The following GOLGB1 variants were observed in gnomAD, a reference collection of about 807,000 sequenced individuals.
GOLGB1 encodes golgin B1, also known as golgin subfamily B member 1.
In GOLGB1, 174 loss-of-function variants were observed where a neutral mutation model predicts 336.9. The ratio of observed to expected loss-of-function variants is 0.52; its 90% CI spans 0.46 to 0.59. The LOEUF (loss-of-function observed/expected upper bound fraction) is 0.59, where lower values mean the gene tolerates loss of function less well. Among genes scored for constraint, GOLGB1 ranks in the 20% least tolerant of loss-of-function variants. The pLI is 0.00. For synonymous variants in GOLGB1, 1,208 were observed against 1,289.2 expected, an observed-to-expected ratio of 0.94 and a Z score of 1.35; for missense variants, 3,331 against 3,645.3, an observed-to-expected ratio of 0.91 and a Z score of 2.22.
Position 121,691,949 on chromosome 3 carries a change from G to A in GOLGB1, c.7415C>T (p.Ser2472Phe), listed in dbSNP as rs761256509. 1.4e-5 allele frequency: 22 copies of A among 1,614,134 alleles called. No homozygotes were observed. The highest frequency in any genetic ancestry group is 1.6e-5 in the Non-Finnish European group (19 of 1,179,976). The change falls in exon 14 of 22, where the codon TCT (serine) becomes TTT (phenylalanine). Residue 2472 changes from serine (S) to phenylalanine (F), a missense_variant. Coordinates refer to ENST00000614479, the MANE Select transcript of GOLGB1 (RefSeq NM_001366282.2). Reference protein sequence around the residue: ...AQLDSFVKSMSSLQNDRDRIV... With the variant: ...AQLDSFVKSMFSLQNDRDRIV... ...GCGGTCTCGATCATTTTGGAGAGAA[G>A]ACATGGATTTAACAAAGGAATCCAA...
chr3:121,722,146 C>T (rs939546169), intron 6 of GOLGB1, 116 bp downstream of exon 6: 1 of 658,012 alleles, frequency 1.5e-6, no homozygotes, highest in Admixed American at 2.4e-5. Flanking sequence ...AGTGCAACAC[C>T]CATGCTACTA....
chr3:121,728,302 G>A (rs142782594), intron 4 of GOLGB1, among the ~76,000 whole-genome samples: 13 of 152,266 alleles, frequency 8.5e-5, no homozygotes, highest in African/African-American at 3.1e-4. Flanking sequence ...ACTAACTAGC[G>A]ATCCCAAAGG....
chr3:121,722,175 T>C, intron 6 of GOLGB1, 87 bp downstream of exon 6: 1 of 753,242 alleles, frequency 1.3e-6, no homozygotes, highest in Non-Finnish European at 2.4e-6. Context: ...TCTACTAGGA[T>C]TTTTTAAAGT....
intron 4 of GOLGB1, among the ~76,000 whole-genome samples, chr3:121,727,295 T>C (rs113512099): frequency 0.1 from 2,485 of 24,188 alleles, 12 homozygotes; most frequent in East Asian, 0.18. Flanking sequence ...CACACACACA[T>C]ATATATATAT....
chr3:121,727,320 A>ATATATATATATATT (rs1365310516), intron 4 of GOLGB1, among the ~76,000 whole-genome samples: 1 of 28,634 alleles, frequency 3.5e-5, no homozygotes, highest in Admixed American at 7.2e-4. Flanking sequence ...ATATATATAT[A>ATATATATATATATT]TTTTTTTTTT....
chr3:121,727,321 T>TATATATATATA (rs1491103201), intron 4 of GOLGB1, among the ~76,000 whole-genome samples: 7 of 29,010 alleles, frequency 2.4e-4, no homozygotes, highest in African/African-American at 4.2e-4. Context: ...TATATATATA[T>TATATATATATA]TTTTTTTTTT....
At chr3:121,687,626 C>T (rs182196195) in intron 14 of GOLGB1, among the ~76,000 whole-genome samples, 5 of 152,074 alleles carry the variant, frequency 3.3e-5, no homozygotes, top group Admixed American at 2.6e-4. Flanking sequence ...TACAGAAACA[C>T]GAAAATAAAA....
chr3:121,714,032 G>A (rs952567186), intron 10 of GOLGB1, among the ~76,000 whole-genome samples: 1 of 152,166 alleles, frequency 6.6e-6, no homozygotes, highest in African/African-American at 2.4e-5. Context: ...CAACTTATTC[G>A]AATGGTTGGA....
chr3:121,703,222 A>G (rs1943550650), intron 10 of GOLGB1, among the ~76,000 whole-genome samples: 2 of 152,162 alleles, frequency 1.3e-5, no homozygotes, highest in Admixed American at 1.3e-4. Context: ...TTTTCATACA[A>G]TTGTAGAATT....
chr3:121,712,072 A>C (rs1944401074), intron 10 of GOLGB1, among the ~76,000 whole-genome samples: 1 of 152,220 alleles, frequency 6.6e-6, no homozygotes, highest in African/African-American at 2.4e-5. Flanking sequence ...CAAGACTAAC[A>C]ACAAACTACA....
chr3:121,681,648 A>G (rs750323250), intron 15 of GOLGB1, 39 bp downstream of exon 15: 1 of 1,375,664 alleles, frequency 7.3e-7, no homozygotes. Flanking sequence ...TAAAAAGTTA[A>G]AATGAAAAGA....
intron 1 of GOLGB1, among the ~76,000 whole-genome samples, chr3:121,737,992 A>C (rs1255482721): frequency 6.6e-6 from 1 of 152,198 alleles, no homozygotes; most frequent in African/African-American, 2.4e-5. Flanking sequence ...GCCATATATA[A>C]CTATTTATTC....
chr3:121,670,472 A>G (rs1310365379), intron 17 of GOLGB1, among the ~76,000 whole-genome samples: 1 of 152,228 alleles, frequency 6.6e-6, no homozygotes. Flanking sequence ...ACATACTTGT[A>G]AAAGTGCTCT....
chr3:121,712,313 A>C (rs1264713074), intron 10 of GOLGB1, among the ~76,000 whole-genome samples: 2 of 152,204 alleles, frequency 1.3e-5, no homozygotes, highest in African/African-American at 2.4e-5. Flanking sequence ...AATTCATTTG[A>C]GATTCAGAGA....
intron 13 of GOLGB1, 81 bp from the exon 14 acceptor site, chr3:121,692,662 C>T: frequency 1.4e-6 from 1 of 721,288 alleles, no homozygotes. Context: ...ATAACATGTA[C>T]TCAATAGATT....
Position 121,694,217 on chromosome 3 carries a change from G to A in GOLGB1, c.6306C>T (p.Asp2102=), listed in dbSNP as rs1942731168. 6.2e-7 allele frequency: 1 copy of A among 1,611,648 alleles called. No individual in the cohort carries two copies. The highest frequency in any genetic ancestry group is 1.3e-5 in the African/African-American group (1 of 74,898). The change falls in exon 13 of 22, where the codon GAC becomes GAT. Residue 2102 remains aspartate, a synonymous_variant. Transcript: ENST00000614479. The part of the protein sequence containing the change: ...TQSEAARVLA[D]NLKLKKELQS... ...GAAGTTCCTTTTTCAACTTGAGATT[G>A]TCTGCTAGGACCCTTGCTGCTTCAC...
rs7621042 is a variant in GOLGB1 at position 121,730,824 on chromosome 3, A to G, written c.96+52T>C. ...TTCTATCTTAAATTATTTTCCTTAG[A>G]AGAACACAGAACATATGTCTTACCA... is the stretch of plus-strand genomic sequence containing the variant. On this transcript the variant is annotated intron_variant, in intron 2 of 21. Transcript: ENST00000614479. 2.8e-3 allele frequency: 4,264 copies of G among 1,544,396 alleles called. 121 individuals are homozygous for G. The African/African-American group carries it at 0.053, about 19-fold the overall frequency.
intron 15 of GOLGB1, among the ~76,000 whole-genome samples, chr3:121,680,839 T>A (rs551436177): frequency 6.6e-6 from 1 of 152,202 alleles, no homozygotes; most frequent in South Asian, 2.1e-4. Context: ...ACAAAAGACA[T>A]GAACAGATAT....
Position 121,702,521 on chromosome 3 carries a change from G to A in GOLGB1, c.1479C>T (p.Leu493=), listed in dbSNP as rs776401190. 4.5e-6 allele frequency: 7 copies of A among 1,546,736 alleles called. No homozygotes were observed. In the Admixed American group the frequency reaches 1.0e-4, roughly 22 times the overall value. Residue 493 remains leucine (L), a synonymous_variant, in exon 11 of 22, where the codon CTC becomes CTT. Coordinates refer to ENST00000614479, the MANE Select transcript of GOLGB1 (RefSeq NM_001366282.2). ...GCTCCTCCAGCTCTATAGAACTAAG[G>A]AGCAAGGCTCCCTTTTCATTCTCTA... The part of the protein sequence containing the change: ...VELENEKGAL[L]LSSIELEELK...
Sources: gnomAD v4.1 joint callset for allele counts (sites outside exome capture counted in the v4.1 genomes callset) on GRCh38, gnomAD v4.1.1 for gene constraint, MANE v1.5 for transcripts, NCBI Gene and HGNC (gene_info 2026-07-23, HGNC 2026-07-21) for gene names.